Variants in NXPH1 observed in about 807,000 individuals in gnomAD.
The protein encoded by NXPH1 is neurexophilin-1.
A neutral mutation model predicts 23.7 loss-of-function variants in NXPH1; 5 were observed. The observed-to-expected ratio is 0.21, with a 90% CI of 0.11 to 0.44. NXPH1 has a LOEUF of 0.44. NXPH1 is among the 20% of genes least tolerant of loss of function. NXPH1 has a pLI of 0.99. For synonymous variants in NXPH1, 144 were observed against 122.2 expected, an observed-to-expected ratio of 1.18 and a Z score of -1.18; for missense variants, 324 against 321.6, an observed-to-expected ratio of 1.01 and a Z score of -0.06.
At chr7:8,513,495 T>C (rs1817641361) in intron 2 of NXPH1, among the ~76,000 whole-genome samples, 1 of 152,132 alleles carries the variant, frequency 6.6e-6, no homozygotes, top group South Asian at 2.1e-4. Flanking sequence ...TACCAGTACA[T>C]CCTGCTGGAG....
chr7:8,631,619 G>C lies in NXPH1; in HGVS notation c.55-119389G>C, dbSNP rs114586363. Among the ~76,000 whole-genome samples the C allele has an allele frequency of 5.5e-3, 833 of 152,124 alleles. 5 individuals carry two copies. The highest frequency in any genetic ancestry group is 0.019 in the African/African-American group (785 of 41,520). On this transcript the variant is annotated intron_variant, in intron 2 of 2. Coordinates refer to ENST00000405863, the MANE Select transcript of NXPH1 (RefSeq NM_152745.3). Reference sequence around the variant, plus strand: ...CACTTTTCAACTTTTATTTTTGACAGCTTTGTTGATTTGTTTTATTCTTAG... The same window carrying C: ...CACTTTTCAACTTTTATTTTTGACACCTTTGTTGATTTGTTTTATTCTTAG...
intron 2 of NXPH1, among the ~76,000 whole-genome samples, chr7:8,556,233 G>C (rs933118136): frequency 6.6e-6 from 1 of 151,620 alleles, no homozygotes; most frequent in African/African-American, 2.4e-5. Context: ...GTGTGTTCTG[G>C]GTGTCTACTG....
intron 2 of NXPH1, among the ~76,000 whole-genome samples, chr7:8,749,377 T>A: frequency 6.6e-6 from 1 of 152,164 alleles, no homozygotes; most frequent in Non-Finnish European, 1.5e-5. Context: ...TGGGAGGGAA[T>A]TCCAGGGAGT....
intron 2 of NXPH1, among the ~76,000 whole-genome samples, chr7:8,609,884 T>TA: frequency 6.6e-6 from 1 of 152,298 alleles, no homozygotes; most frequent in East Asian, 1.9e-4. Flanking sequence ...TTTTTGTTGT[T>TA]AAAATAAGTG....
At chr7:8,595,368 TTTA>T (rs1253436839) in intron 2 of NXPH1, among the ~76,000 whole-genome samples, 1 of 152,020 alleles carries the variant, frequency 6.6e-6, no homozygotes, top group East Asian at 1.9e-4. Flanking sequence ...GAAATAATGA[TTTA>T]TTTTTTACTT....
At chr7:8,658,787 A>G (rs888366902) in intron 2 of NXPH1, among the ~76,000 whole-genome samples, 4 of 152,192 alleles carry the variant, frequency 2.6e-5, no homozygotes, top group Admixed American at 6.5e-5. Context: ...TAGGTTACCT[A>G]TAAGAAAATA....
At chr7:8,499,906 G>T (rs1817403350) in intron 2 of NXPH1, among the ~76,000 whole-genome samples, 1 of 152,060 alleles carries the variant, frequency 6.6e-6, no homozygotes, top group African/African-American at 2.4e-5. Context: ...AGGAGTTAAA[G>T]GTGCTCACCA....
At chr7:8,692,612 G>A (rs1414054557) in intron 2 of NXPH1, among the ~76,000 whole-genome samples, 1 of 152,126 alleles carries the variant, frequency 6.6e-6, no homozygotes. Flanking sequence ...ATCTGGAAAA[G>A]TGCTACTCAA....
intron 2 of NXPH1, among the ~76,000 whole-genome samples, chr7:8,448,108 G>A (rs1385072197): frequency 6.6e-6 from 1 of 152,210 alleles, no homozygotes; most frequent in South Asian, 2.1e-4. Flanking sequence ...AGAAGGTAAT[G>A]GCAAAGTATT....
intron 2 of NXPH1, among the ~76,000 whole-genome samples, chr7:8,595,301 T>C (rs933992360): frequency 6.6e-6 from 1 of 151,976 alleles, no homozygotes; most frequent in African/African-American, 2.4e-5. Context: ...ACAACAAATA[T>C]GCATTTAAAG....
At chr7:8,673,910 C>T (rs550368266) in intron 2 of NXPH1, among the ~76,000 whole-genome samples, 1 of 151,864 alleles carries the variant, frequency 6.6e-6, no homozygotes, top group East Asian at 1.9e-4. Context: ...CTGTTTGAGC[C>T]TAAAACAAGG....
intron 2 of NXPH1, among the ~76,000 whole-genome samples, chr7:8,699,827 C>T (rs1402600507): frequency 6.6e-6 from 1 of 152,064 alleles, no homozygotes; most frequent in African/African-American, 2.4e-5. Context: ...TCTTAATCTT[C>T]ATGTTGCACC....
chr7:8,719,425 G>C (rs1220099657), intron 2 of NXPH1, among the ~76,000 whole-genome samples: 1 of 152,090 alleles, frequency 6.6e-6, no homozygotes, highest in Non-Finnish European at 1.5e-5. Flanking sequence ...AAAATATTAT[G>C]GCTTGGATAG....
chr7:8,526,202 A>G (rs1490996753), intron 2 of NXPH1, among the ~76,000 whole-genome samples: 1 of 152,164 alleles, frequency 6.6e-6, no homozygotes, highest in African/African-American at 2.4e-5. Context: ...GGAGCTTTAA[A>G]AGTTGACTCC....
intron 2 of NXPH1, among the ~76,000 whole-genome samples, chr7:8,654,940 G>T (rs924987639): frequency 6.6e-6 from 1 of 152,034 alleles, no homozygotes; most frequent in Admixed American, 6.6e-5. Flanking sequence ...AAAATGCAAA[G>T]GTGTGTGTAT....
chr7:8,519,617 A>G (rs190944613), intron 2 of NXPH1, among the ~76,000 whole-genome samples: 10 of 152,296 alleles, frequency 6.6e-5, no homozygotes, highest in Admixed American at 6.5e-4. Flanking sequence ...TCCTATCTTC[A>G]TAAATTGCAA....
chr7:8,481,941 C>T (rs1269605634), intron 2 of NXPH1, among the ~76,000 whole-genome samples: 4 of 152,172 alleles, frequency 2.6e-5, no homozygotes, highest in Admixed American at 6.5e-5. Flanking sequence ...CTGACTAGCA[C>T]CTGATGCCCC....
At chr7:8,596,358 T>C (rs1819224198) in intron 2 of NXPH1, among the ~76,000 whole-genome samples, 1 of 152,100 alleles carries the variant, frequency 6.6e-6, no homozygotes, top group Admixed American at 6.6e-5. Flanking sequence ...CAGAATAGCG[T>C]ACCTGGAAGG....
chr7:8,552,112 AC>A (rs1468094928), intron 2 of NXPH1, among the ~76,000 whole-genome samples: 20 of 142,772 alleles, frequency 1.4e-4, no homozygotes, highest in Admixed American at 7.0e-4. Context: ...CAGAAAAAAA[AC>A]CAAAAAAAAA....
Sources: allele counts gnomAD v4.1 joint callset (sites outside exome capture counted in the v4.1 genomes callset), GRCh38; gene constraint gnomAD v4.1.1; transcripts MANE v1.5; gene names NCBI Gene and HGNC (gene_info 2026-07-23, HGNC 2026-07-21).